Variants in MGMT observed in about 807,000 individuals in gnomAD.
The protein encoded by MGMT is O-6-methylguanine-DNA methyltransferase.
A neutral mutation model predicts 15.9 loss-of-function variants in MGMT; 14 were observed. That is an observed-to-expected ratio of 0.88 (90% confidence interval 0.58 to 1.37). The LOEUF (loss-of-function observed/expected upper bound fraction) is 1.37, where lower values mean the gene tolerates loss of function less well. Ranked by LOEUF, MGMT falls within the 40% of genes most tolerant of loss-of-function variation. The probability of loss-of-function intolerance (pLI) is 0.00; values close to 1 mark genes in which losing one functional copy is unlikely to be tolerated. For missense variants in MGMT, 282 were observed against 268.1 expected (o/e 1.05, Z -0.36); for synonymous variants, 130 against 118.2 (o/e 1.10, Z -0.65).
chr10:129,753,405 T>G (rs1848770975), intron 3 of MGMT, among the ~76,000 whole-genome samples: 1 of 152,200 alleles, frequency 6.6e-6, no homozygotes, highest in African/African-American at 2.4e-5. Context: ...TTATTTGAAT[T>G]TTTTCCCGTA....
At chr10:129,564,401 T>TCC in intron 2 of MGMT, among the ~76,000 whole-genome samples, 1 of 45,934 alleles carries the variant, frequency 2.2e-5, no homozygotes, top group African/African-American at 9.4e-5. Flanking sequence ...CTCCTCCTCC[T>TCC]TCTCTTCCTC....
intron 2 of MGMT, among the ~76,000 whole-genome samples, chr10:129,586,415 G>T (rs1370954079): frequency 6.6e-6 from 1 of 152,060 alleles, no homozygotes; most frequent in Non-Finnish European, 1.5e-5. Context: ...TGATTTTCTA[G>T]AATTTTGTGA....
At chr10:129,759,788 C>T (rs758674943) in intron 4 of MGMT, among the ~76,000 whole-genome samples, 3 of 152,098 alleles carry the variant, frequency 2.0e-5, no homozygotes, top group African/African-American at 7.2e-5. Context: ...AGCAAGGGTG[C>T]ACATCCAACC....
At chr10:129,711,435 G>A (rs1421593242) in intron 3 of MGMT, among the ~76,000 whole-genome samples, 2 of 152,162 alleles carry the variant, frequency 1.3e-5, no homozygotes, top group African/African-American at 4.8e-5. Context: ...GGAGGTCCCC[G>A]GGGCTGCCTC....
intron 3 of MGMT, among the ~76,000 whole-genome samples, chr10:129,731,996 C>A (rs1848503605): frequency 1.3e-5 from 2 of 152,118 alleles, no homozygotes; most frequent in African/African-American, 4.8e-5. Flanking sequence ...CCTAGTATTG[C>A]TATGGAAATG....
At chr10:129,584,690 CTG>C (rs1349006132) in intron 2 of MGMT, among the ~76,000 whole-genome samples, 1 of 152,160 alleles carries the variant, frequency 6.6e-6, no homozygotes, top group African/African-American at 2.4e-5. Context: ...CTGTCTGTGT[CTG>C]TGGTTTTCCC....
At chr10:129,670,651 T>C (rs1847710708) in intron 2 of MGMT, among the ~76,000 whole-genome samples, 1 of 152,140 alleles carries the variant, frequency 6.6e-6, no homozygotes, top group Non-Finnish European at 1.5e-5. Context: ...TTACCCAAAT[T>C]GATGTGGTAA....
intron 2 of MGMT, among the ~76,000 whole-genome samples, chr10:129,620,325 T>A (rs1188523474): frequency 6.6e-6 from 1 of 152,260 alleles, no homozygotes; most frequent in Non-Finnish European, 1.5e-5. Context: ...TTGTGTGCAG[T>A]CTTCTATAAA....
chr10:129,724,833 T>C (rs1308988716), intron 3 of MGMT, among the ~76,000 whole-genome samples: 5 of 152,178 alleles, frequency 3.3e-5, no homozygotes, highest in Admixed American at 2.0e-4. Flanking sequence ...TAGTAAATAT[T>C]ATGGATTTTT....
chr10:129,641,547 C>G (rs1008409808), intron 2 of MGMT, among the ~76,000 whole-genome samples: 2 of 152,154 alleles, frequency 1.3e-5, no homozygotes, highest in Non-Finnish European at 2.9e-5. Flanking sequence ...CAAGAATGGT[C>G]ATTAAATTCT....
chr10:129,737,929 G>A (rs373074068), intron 3 of MGMT, among the ~76,000 whole-genome samples: 1,788 of 152,316 alleles, frequency 0.012, 27 homozygotes, highest in South Asian at 0.05. Flanking sequence ...CTGTAGCTGC[G>A]TGCTGGGAGA....
chr10:129,575,954 C>G (rs199818433), intron 2 of MGMT, among the ~76,000 whole-genome samples: 4,945 of 152,076 alleles, frequency 0.033, 129 homozygotes, highest in South Asian at 0.065. Context: ...ATAAATTCCT[C>G]GACACATACA....
intron 3 of MGMT, among the ~76,000 whole-genome samples, chr10:129,727,279 C>G (rs1448770008): frequency 6.6e-6 from 1 of 152,350 alleles, no homozygotes; most frequent in South Asian, 2.1e-4. Flanking sequence ...CCTCAGTCAC[C>G]TGCTGTGAGG....
intron 1 of MGMT, among the ~76,000 whole-genome samples, chr10:129,499,107 T>G (rs1464475743): frequency 6.6e-6 from 1 of 152,232 alleles, no homozygotes; most frequent in Non-Finnish European, 1.5e-5. Context: ...GGTGGCTTCC[T>G]TTAAAAAGAA....
chr10:129,759,455 G>T (rs1248147914), intron 4 of MGMT, 114 bp downstream of exon 4: 2 of 1,499,516 alleles, frequency 1.3e-6, no homozygotes, highest in Non-Finnish European at 9.1e-7. Flanking sequence ...GGGGTGGGCA[G>T]AGGGGCGATA....
At chr10:129,507,602 G>A (rs1845638986) in intron 1 of MGMT, among the ~76,000 whole-genome samples, 1 of 152,218 alleles carries the variant, frequency 6.6e-6, no homozygotes, top group African/African-American at 2.4e-5. Flanking sequence ...TGCTGGGGGA[G>A]GAACGTCCTG....
chr10:129,587,711 C>T (rs903748346), intron 2 of MGMT, among the ~76,000 whole-genome samples: 1 of 151,864 alleles, frequency 6.6e-6, no homozygotes, highest in South Asian at 2.1e-4. Context: ...GCTGGGATTA[C>T]AGGTGTGAGC....
At chr10:129,695,979 T>A (rs905285636) in intron 2 of MGMT, among the ~76,000 whole-genome samples, 2 of 151,968 alleles carry the variant, frequency 1.3e-5, no homozygotes, top group African/African-American at 2.4e-5. Context: ...TTCCCAGGAG[T>A]GGCTTTGTCC....
intron 2 of MGMT, among the ~76,000 whole-genome samples, chr10:129,632,055 C>T (rs1009045464): frequency 3.3e-5 from 5 of 152,128 alleles, no homozygotes; most frequent in African/African-American, 1.2e-4. Context: ...TGTTTTTATG[C>T]CTACAGCGTA....
Sources: allele counts gnomAD v4.1 joint callset (sites outside exome capture counted in the v4.1 genomes callset), GRCh38; gene constraint gnomAD v4.1.1; transcripts MANE v1.5; gene names NCBI Gene and HGNC (gene_info 2026-07-23, HGNC 2026-07-21).